CERT1: variants seen among roughly 807,000 people sequenced by gnomAD.
CERT1 encodes ceramide transporter 1.
CERT1 carries 31 observed loss-of-function variants against 87.9 expected under a neutral mutation model. That is an observed-to-expected ratio of 0.35 (90% CI 0.27 to 0.48). The LOEUF is 0.48. CERT1 is among the 20% of genes least tolerant of loss of function. The pLI is 0.99. For synonymous variants in CERT1, 289 were observed against 250.9 expected (o/e 1.15, Z -1.44); for missense variants, 487 against 758.0 (o/e 0.64, Z 4.20).
At chr5:75,457,497 T>A (rs1380534823) in intron 3 of CERT1, among the ~76,000 whole-genome samples, 4 of 152,080 alleles carry the variant, frequency 2.6e-5, no homozygotes, top group Non-Finnish European at 5.9e-5. Flanking sequence ...AAAACAATAA[T>A]TTTTTTCCAT....
intron 16 of CERT1, 137 bp from the exon 17 acceptor site, chr5:75,379,610 G>A (rs1475660438): frequency 3.5e-5 from 28 of 810,574 alleles, no homozygotes; most frequent in Middle Eastern, 2.6e-4. Flanking sequence ...TTTTTGAGAC[G>A]GAGTCTTGCT....
chr5:75,377,653 T>C (rs1761377146), downstream of CERT1: 1 of 152,172 alleles, frequency 6.6e-6, no homozygotes, highest in African/African-American at 2.4e-5. Flanking sequence ...AAAAAAAGTG[T>C]ATCTGTGTAG....
At chr5:75,385,860 T>A (rs1466871250) in intron 13 of CERT1, 42 bp downstream of exon 13, 1 of 1,346,620 alleles carries the variant, frequency 7.4e-7, no homozygotes, top group Non-Finnish European at 9.6e-7. Context: ...TGATATTAAA[T>A]TCAAAATAAT....
chr5:75,384,807 G>A, intron 13 of CERT1, 95 bp from the exon 14 acceptor site: 5 of 781,082 alleles, frequency 6.4e-6, no homozygotes, highest in Middle Eastern at 2.3e-4. Flanking sequence ...GGACAGTATG[G>A]TAAATTGAAC....
chr5:75,391,498 G>A (rs1762027717), intron 11 of CERT1, among the ~76,000 whole-genome samples: 1 of 152,156 alleles, frequency 6.6e-6, no homozygotes, highest in Non-Finnish European at 1.5e-5. Context: ...GTGAGTTACT[G>A]ATTTGACAGA....
chr5:75,423,644 G>A (rs1451753965), intron 5 of CERT1, among the ~76,000 whole-genome samples: 2 of 152,188 alleles, frequency 1.3e-5, no homozygotes, highest in African/African-American at 4.8e-5. Flanking sequence ...CGGAAGTTGA[G>A]GCAGGAGGAT....
intron 2 of CERT1, among the ~76,000 whole-genome samples, chr5:75,491,720 T>C (rs1384467359): frequency 6.6e-6 from 1 of 152,208 alleles, no homozygotes; most frequent in African/African-American, 2.4e-5. Flanking sequence ...TGCCATTATC[T>C]ATCTACAAGT....
intron 3 of CERT1, 27 bp downstream of exon 3, chr5:75,459,038 T>C (rs774081203): frequency 6.1e-6 from 8 of 1,320,698 alleles, no homozygotes; most frequent in African/African-American, 5.8e-5. Context: ...TAGTCCTCCA[T>C]GGACAGGTAA....
intron 11 of CERT1, among the ~76,000 whole-genome samples, chr5:75,391,073 C>T (rs1762011568): frequency 6.6e-6 from 1 of 152,132 alleles, no homozygotes; most frequent in South Asian, 2.1e-4. Context: ...TCAAGGGATC[C>T]TCCTGCCTCA....
chr5:75,498,087 T>C (rs1767159744), intron 2 of CERT1, among the ~76,000 whole-genome samples: 1 of 152,216 alleles, frequency 6.6e-6, no homozygotes, highest in African/African-American at 2.4e-5. Context: ...GCAAAGAGAC[T>C]GGCGGCATTT....
intron 3 of CERT1, among the ~76,000 whole-genome samples, chr5:75,456,163 A>T (rs1428239828): frequency 6.6e-6 from 1 of 152,216 alleles, no homozygotes; most frequent in Non-Finnish European, 1.5e-5. Flanking sequence ...AGGAAAAAAA[A>T]CAATGACAAC....
upstream of CERT1, chr5:75,511,860 G>T (rs370816842): frequency 1.2e-5 from 19 of 1,533,324 alleles, no homozygotes; most frequent in Non-Finnish European, 1.6e-5. Flanking sequence ...GAAGGGCGTT[G>T]GTCCGTCGCT....
chr5:75,489,581 T>C lies in CERT1; in HGVS notation c.231+16401A>G, dbSNP rs558730422. On this transcript the variant is annotated intron_variant, in intron 2 of 16. Coordinates refer to ENST00000643780, the MANE Select transcript of CERT1 (RefSeq NM_001379029.1). ...AAAATCAAAAAATGGACGATGGATA[T>C]GAACAGACACTTTTCAAGAGAAGAC... 2.6e-5 allele frequency among the ~76,000 whole-genome samples: 4 copies of C among 152,198 alleles called. No homozygotes were observed. The South Asian group carries it at 8.3e-4, about 32-fold the overall frequency.
chr5:75,476,913 G>A (rs968296953), intron 2 of CERT1, among the ~76,000 whole-genome samples: 1 of 151,680 alleles, frequency 6.6e-6, no homozygotes, highest in African/African-American at 2.4e-5. Context: ...CCGAGATGGG[G>A]GAAAAAAAAA....
intron 3 of CERT1, among the ~76,000 whole-genome samples, chr5:75,452,277 G>C (rs559240715): frequency 6.6e-6 from 1 of 152,168 alleles, no homozygotes; most frequent in East Asian, 1.9e-4. Flanking sequence ...ATGAATCTTT[G>C]TGTCATGGAT....
rs1762416200 is a variant in CERT1 at position 75,400,251 on chromosome 5, G to C, written c.1064C>G (p.Ser355Cys). The change falls in exon 10 of 17, where the codon TCT (serine) becomes TGT (cysteine). Residue 355 changes from serine to cysteine, a missense_variant. Physicochemically the swap from Ser to Cys is moderately radical, Grantham distance 112. Around this residue, in one of 8 missense-constraint regions of CERT1, gnomAD observed 91 missense variants for 86.7 expected, o/e 1.05. Transcript: ENST00000643780. Reference sequence around the variant, plus strand: ...CCCCACAGAAGAAAAGGCATCTCCAGAGGGCAAGGATGTAGGCCAATGTAA... The same window carrying C: ...CCCCACAGAAGAAAAGGCATCTCCACAGGGCAAGGATGTAGGCCAATGTAA... Reference protein sequence around the residue: ...VRLHWPTSLPSGDAFSSVGTH... With the variant: ...VRLHWPTSLPCGDAFSSVGTH... 1 of 1,613,880 alleles carries C rather than the reference G, an allele frequency of 6.2e-7. No homozygotes were observed. Among genetic ancestry groups the C allele is most frequent in the East Asian group, 2.2e-5 (1 of 44,882 alleles).
chr5:75,500,721 AC>A (rs1034839363), intron 2 of CERT1, among the ~76,000 whole-genome samples: 2 of 152,136 alleles, frequency 1.3e-5, no homozygotes, highest in Non-Finnish European at 2.9e-5. Context: ...ACATAGAAAA[AC>A]TGCACACTTG....
intron 3 of CERT1, among the ~76,000 whole-genome samples, chr5:75,431,580 T>C (rs924822401): frequency 6.6e-6 from 1 of 152,200 alleles, no homozygotes; most frequent in Non-Finnish European, 1.5e-5. Flanking sequence ...AGAGCTAATG[T>C]TGGACATAAA....
intron 8 of CERT1, among the ~76,000 whole-genome samples, chr5:75,404,761 C>T (rs1384481867): frequency 6.6e-6 from 1 of 152,138 alleles, no homozygotes; most frequent in Admixed American, 6.5e-5. Flanking sequence ...ATAAACCCAG[C>T]ACTCTGGGAG....
Sources: allele counts gnomAD v4.1 joint callset (sites outside exome capture counted in the v4.1 genomes callset), GRCh38; gene constraint gnomAD v4.1.1; regional missense constraint gnomAD v4.1.1; transcripts MANE v1.5; gene names NCBI Gene and HGNC (gene_info 2026-07-23, HGNC 2026-07-21).